The following EVA1C variants were observed in gnomAD, a reference collection of about 807,000 sequenced individuals.
EVA1C encodes the protein protein eva-1 homolog C.
Under a neutral mutation model 45.4 loss-of-function variants are expected in EVA1C, and 25 were observed. The ratio of observed to expected loss-of-function variants is 0.55; its 90% CI spans 0.40 to 0.77. EVA1C has a LOEUF of 0.77. Ranked by LOEUF, EVA1C falls within the 30% of genes least tolerant of loss-of-function variation. The pLI is 0.00. For missense variants in EVA1C, 479 were observed against 554.8 expected (o/e 0.86, Z 1.37); for synonymous variants, 190 against 221.2 (o/e 0.86, Z 1.25).
intron 5 of EVA1C, chr21:32,496,850 T>C: frequency 1.1e-6 from 1 of 923,156 alleles, no homozygotes; most frequent in Non-Finnish European, 1.8e-6. Context: ...ACTGGCATAG[T>C]GACAGCTAAA....
At chr21:32,508,114 G>A (rs1661698134) in intron 7 of EVA1C, among the ~76,000 whole-genome samples, 1 of 152,232 alleles carries the variant, frequency 6.6e-6, no homozygotes, top group Non-Finnish European at 1.5e-5. Flanking sequence ...ATGAGCCATT[G>A]TCCCCTGGCA....
rs1312516164 is a variant in EVA1C at position 32,412,722 on chromosome 21, C to G, written c.-132C>G. On this transcript the variant is annotated 5_prime_UTR_variant, in exon 1 of 8. Coordinates refer to ENST00000300255, the MANE Select transcript of EVA1C (RefSeq NM_058187.5). ...CGCGCAGGGGAGGAGGCTCTGGCAG[C>G]CTGGGCAGGGAGGCGGCGGGGGGCC... 2.1e-6 allele frequency: 2 copies of G among 969,800 alleles called. No homozygotes were observed. Among genetic ancestry groups the G allele is most frequent in the African/African-American group, 3.5e-5 (2 of 57,902 alleles). 60.1% of individuals were successfully genotyped at this position (969,800 alleles called of 1,614,324 possible).
At chr21:32,507,452 G>A (rs758902003) in intron 7 of EVA1C, among the ~76,000 whole-genome samples, 106 of 151,684 alleles carry the variant, frequency 7.0e-4, no homozygotes, top group Non-Finnish European at 1.6e-4. Context: ...GTGTCTATGC[G>A]TGTGCGTGTG....
At chr21:32,435,305 C>T (rs553810700) in intron 1 of EVA1C, among the ~76,000 whole-genome samples, 48 of 152,132 alleles carry the variant, frequency 3.2e-4, no homozygotes, top group Non-Finnish European at 5.6e-4. Context: ...CCTCCTGTCT[C>T]AGCCTCCTGA....
At chr21:32,478,391 T>C (rs947816407) in intron 4 of EVA1C, among the ~76,000 whole-genome samples, 9 of 152,028 alleles carry the variant, frequency 5.9e-5, no homozygotes, top group African/African-American at 2.2e-4. Flanking sequence ...ACTAATATTT[T>C]TGTATTTTTA....
intron 1 of EVA1C, among the ~76,000 whole-genome samples, chr21:32,435,311 C>T (rs1057482717): frequency 2.6e-5 from 3 of 113,692 alleles, no homozygotes; most frequent in African/African-American, 1.0e-4. Context: ...GTCTCAGCCT[C>T]CTGAGTAGCT....
intron 1 of EVA1C, among the ~76,000 whole-genome samples, chr21:32,413,256 G>T (rs2033901680): frequency 6.6e-6 from 1 of 152,256 alleles, no homozygotes; most frequent in South Asian, 2.1e-4. Context: ...CCCTGCTGTT[G>T]ACCTCGTCAA....
chr21:32,460,040 G>A (rs1417481792), intron 3 of EVA1C, among the ~76,000 whole-genome samples: 1 of 152,172 alleles, frequency 6.6e-6, no homozygotes, highest in African/African-American at 2.4e-5. Context: ...GGATAAGTCA[G>A]TGCAGAGCCA....
At chr21:32,462,561 A>C (rs984065477) in intron 3 of EVA1C, among the ~76,000 whole-genome samples, 5 of 152,226 alleles carry the variant, frequency 3.3e-5, no homozygotes, top group Non-Finnish European at 5.9e-5. Context: ...CAGGCACCCC[A>C]AAATCTGGCC....
intron 7 of EVA1C, among the ~76,000 whole-genome samples, chr21:32,507,901 GTATC>G (rs2037817578): frequency 1.6e-5 from 2 of 124,520 alleles, no homozygotes; most frequent in Admixed American, 8.3e-5. Flanking sequence ...GTGCATGTGT[GTATC>G]TGTGTGTGTG....
chr21:32,478,713 G>A (rs372910073), intron 4 of EVA1C, among the ~76,000 whole-genome samples: 30 of 308 alleles, frequency 0.097, no homozygotes, highest in African/African-American at 0.14. Context: ...AGCTTTTCCC[G>A]AAGGCTGGGC....
chr21:32,488,722 A>C (rs1424458947), intron 4 of EVA1C, among the ~76,000 whole-genome samples: 4 of 151,928 alleles, frequency 2.6e-5, no homozygotes, highest in Admixed American at 6.6e-5. Context: ...AGTAGCTGGG[A>C]TTACAGGCAC....
At chr21:32,413,085 G>A in intron 1 of EVA1C, 72 bp downstream of exon 1, 1 of 1,235,344 alleles carries the variant, frequency 8.1e-7, no homozygotes. Flanking sequence ...ACTGGGGGCA[G>A]CCGCACCAGT....
intron 2 of EVA1C, among the ~76,000 whole-genome samples, chr21:32,455,250 G>C (rs567416100): frequency 6.6e-6 from 1 of 152,126 alleles, no homozygotes; most frequent in East Asian, 1.9e-4. Flanking sequence ...GAAGGAGAGA[G>C]GGCCAACTTG....
chr21:32,414,309 T>C (rs952040083), intron 1 of EVA1C, among the ~76,000 whole-genome samples: 1 of 152,184 alleles, frequency 6.6e-6, no homozygotes, highest in Non-Finnish European at 1.5e-5. Context: ...TTAACTTTTT[T>C]TTTTGTACTA....
Position 32,495,151 on chromosome 21 carries a change from C to T in EVA1C, c.759C>T (p.Leu253=), listed in dbSNP as rs1251647197. Reference sequence around the variant, plus strand: ...GTTTGCCAGGCGTGAAAAAATACCTCACTGTGACCTACGCATGTGGTAAGA... The same window carrying T: ...GTTTGCCAGGCGTGAAAAAATACCTTACTGTGACCTACGCATGTGGTAAGA... ...SPCLPGVKKY[L]TVTYACVPKN... is the part of the protein sequence containing the mutation. Residue 253 remains leucine (L), a synonymous_variant, in exon 5 of 8, where the codon CTC becomes CTT. Coordinates refer to ENST00000300255, the MANE Select transcript of EVA1C (RefSeq NM_058187.5). 3 of 1,614,110 alleles carry T rather than the reference C, an allele frequency of 1.9e-6. No individual in the cohort carries two copies. Among genetic ancestry groups the T allele is most frequent in the Non-Finnish European group, 2.5e-6 (3 of 1,180,016 alleles).
chr21:32,464,712 C>T (rs1329714068), intron 3 of EVA1C, among the ~76,000 whole-genome samples: 6 of 152,118 alleles, frequency 3.9e-5, no homozygotes, highest in South Asian at 2.1e-4. Context: ...ATCCCAGCTC[C>T]TCAGGAGGCT....
chr21:32,492,056 T>C (rs989373714), intron 4 of EVA1C, among the ~76,000 whole-genome samples: 11 of 151,808 alleles, frequency 7.2e-5, no homozygotes, highest in Non-Finnish European at 1.6e-4. Flanking sequence ...AAAATGAAAA[T>C]GCAAAGCCCC....
chr21:32,474,019 A>C lies in EVA1C; in HGVS notation c.634+6171A>C. 4.4e-6 allele frequency: 4 copies of C among 909,364 alleles called. No individual in the cohort carries two copies. Among genetic ancestry groups the C allele is most frequent in the African/African-American group, 1.8e-5 (1 of 55,694 alleles). 56.3% of individuals were successfully genotyped at this position (909,364 alleles called of 1,614,324 possible). On this transcript the variant is annotated intron_variant, in intron 4 of 7. Transcript: ENST00000300255. This position sits in a 1 kb window ranked among gnomAD's most constrained non-coding sequence, Gnocchi z 4.4. ...ATAGCTCACTGCAAGCCTCCAACTC[A>C]TGGGCTCAAGCAATTCTCTCACCTC...
Sources: allele counts gnomAD v4.1 joint callset (sites outside exome capture counted in the v4.1 genomes callset), GRCh38; gene constraint gnomAD v4.1.1; non-coding constraint Gnocchi (gnomAD v3.1); transcripts MANE v1.5; gene names NCBI Gene and HGNC (gene_info 2026-07-23, HGNC 2026-07-21).